ANXA8: variants seen among roughly 807,000 people sequenced by gnomAD.
The protein encoded by ANXA8 is annexin A8, also known as VAC-beta.
A neutral mutation model predicts 26.8 loss-of-function variants in ANXA8; 9 were observed. The observed-to-expected ratio is 0.34, with a 90% CI of 0.20 to 0.59. The LOEUF (loss-of-function observed/expected upper bound fraction) is 0.59, where lower values mean the gene tolerates loss of function less well. ANXA8 is among the 20% of genes least tolerant of loss of function. The pLI, the probability that ANXA8 is intolerant of heterozygous loss-of-function variation, is 0.84. For synonymous variants in ANXA8, 39 were observed against 94.8 expected, an observed-to-expected ratio of 0.41 and a Z score of 3.42; for missense variants, 83 against 238.5, an observed-to-expected ratio of 0.35 and a Z score of 4.29.
the ANXA8 span, among the ~76,000 whole-genome samples, chr10:47,702,561 G>C: frequency 6.6e-6 from 1 of 151,274 alleles, no homozygotes; most frequent in African/African-American, 2.4e-5. Context: ...GGCTGGTCTT[G>C]AACTCCTGAC....
the ANXA8 span, among the ~76,000 whole-genome samples, chr10:47,937,493 G>A: frequency 2.1e-5 from 3 of 144,770 alleles, no homozygotes; most frequent in Non-Finnish European, 4.6e-5. Context: ...AGGTTTCAGG[G>A]TACATGTGCA....
chr10:47,689,309 G>T, the ANXA8 span, among the ~76,000 whole-genome samples: 5 of 151,512 alleles, frequency 3.3e-5, no homozygotes, highest in Non-Finnish European at 5.9e-5. Flanking sequence ...CCTTCAAGTG[G>T]CTGGGACTAC....
the ANXA8 span, chr10:47,726,731 A>C: frequency 1.4e-6 from 1 of 734,260 alleles, no homozygotes; most frequent in South Asian, 1.6e-5. Flanking sequence ...TTTAAGCATT[A>C]AAATTAATCC....
chr10:47,502,498 C>T, the ANXA8 span: 5 of 1,613,216 alleles, frequency 3.1e-6, no homozygotes, highest in Non-Finnish European at 4.2e-6. Context: ...GCTCCCTTCC[C>T]AGATGCTGTT....
At chr10:47,587,916 C>A in the ANXA8 span, among the ~76,000 whole-genome samples, 2 of 146,226 alleles carry the variant, frequency 1.4e-5, no homozygotes, top group South Asian at 2.1e-4. Flanking sequence ...ACTGGGGTGA[C>A]CCTGTTGAAA....
the ANXA8 span, among the ~76,000 whole-genome samples, chr10:47,567,249 T>G: frequency 8.1e-6 from 1 of 123,350 alleles, no homozygotes; most frequent in East Asian, 2.1e-4. Flanking sequence ...GAAACTCTCG[T>G]GCGCCCCTTT....
At chr10:47,699,333 G>T in the ANXA8 span, among the ~76,000 whole-genome samples, 86 of 105,338 alleles carry the variant, frequency 8.2e-4, no homozygotes, top group African/African-American at 3.1e-3. Context: ...GACAGAGCGA[G>T]ATTCTGTCTC....
the ANXA8 span, among the ~76,000 whole-genome samples, chr10:47,956,798 C>T: frequency 0.31 from 43,492 of 142,228 alleles, 3,367 homozygotes; most frequent in South Asian, 0.42. Flanking sequence ...CAGGGCCTGA[C>T]ACCACCTCCT....
chr10:47,769,954 C>T, the ANXA8 span, among the ~76,000 whole-genome samples: 1 of 151,352 alleles, frequency 6.6e-6, no homozygotes, highest in Non-Finnish European at 1.5e-5. Flanking sequence ...GGTGAGGCCT[C>T]AGGAAGCTTC....
chr10:47,744,738 T>TGAAAACAG, the ANXA8 span, among the ~76,000 whole-genome samples: 1 of 151,744 alleles, frequency 6.6e-6, no homozygotes, highest in South Asian at 2.1e-4. Context: ...GCAAACTATT[T>TGAAAACAG]TATTCTTGTT....
At chr10:47,945,131 C>G in the ANXA8 span, among the ~76,000 whole-genome samples, 1 of 150,254 alleles carries the variant, frequency 6.7e-6, no homozygotes. Context: ...GTTCGACCCT[C>G]TTGTGGTTCA....
the ANXA8 span, among the ~76,000 whole-genome samples, chr10:47,920,213 T>G: frequency 1.1e-5 from 1 of 90,220 alleles, no homozygotes; most frequent in Non-Finnish European, 2.0e-5. Context: ...CACAGCTTGA[T>G]CTTTTAAATG....
chr10:47,942,612 C>A, the ANXA8 span, among the ~76,000 whole-genome samples: 3 of 142,840 alleles, frequency 2.1e-5, no homozygotes, highest in Non-Finnish European at 1.5e-5. Context: ...GAGACTGGAG[C>A]ACAGTTCAAT....
chr10:47,510,940 A>G, the ANXA8 span, among the ~76,000 whole-genome samples: 1 of 127,702 alleles, frequency 7.8e-6, no homozygotes, highest in Non-Finnish European at 1.6e-5. Flanking sequence ...TAATTAATTT[A>G]TTTATTTATT....
At chr10:47,543,632 G>A in the ANXA8 span, 6 of 605,698 alleles carry the variant, frequency 9.9e-6, no homozygotes, top group African/African-American at 8.2e-5. Flanking sequence ...ATGTTTGTTT[G>A]GATATCCTCC....
chr10:47,534,652 ATTT>A, the ANXA8 span, among the ~76,000 whole-genome samples: 4 of 100,222 alleles, frequency 4.0e-5, no homozygotes, highest in Admixed American at 1.0e-4. Context: ...CCCAGTTATA[ATTT>A]TTTTTTTTTT....
At chr10:47,899,102 T>C in the ANXA8 span, among the ~76,000 whole-genome samples, 1 of 151,756 alleles carries the variant, frequency 6.6e-6, no homozygotes, top group Non-Finnish European at 1.5e-5. Flanking sequence ...CCTCCCAAAG[T>C]GCTGGGATTA....
the ANXA8 span, among the ~76,000 whole-genome samples, chr10:47,562,916 C>T: frequency 1.3e-5 from 2 of 148,638 alleles, no homozygotes; most frequent in South Asian, 2.2e-4. Flanking sequence ...TATTCATTGC[C>T]CATGTTTGTG....
chr10:47,524,163 C>G, the ANXA8 span, among the ~76,000 whole-genome samples: 1 of 148,532 alleles, frequency 6.7e-6, no homozygotes, highest in South Asian at 2.1e-4. Flanking sequence ...GTTCATTCCT[C>G]GAAGCCAGCT....
Sources: gnomAD v4.1 joint callset for allele counts (sites outside exome capture counted in the v4.1 genomes callset) on GRCh38, gnomAD v4.1.1 for gene constraint, MANE v1.5 for transcripts, NCBI Gene and HGNC (gene_info 2026-07-23, HGNC 2026-07-21) for gene names.